SLC9A8: variants seen among roughly 807,000 people sequenced by gnomAD.
The protein encoded by SLC9A8 is solute carrier family 9 member A8.
In SLC9A8, 48 loss-of-function variants were observed where a neutral mutation model predicts 66.6. The ratio of observed to expected loss-of-function variants is 0.72; its 90% CI spans 0.57 to 0.92. SLC9A8 has a LOEUF of 0.92. Among genes scored for constraint, SLC9A8 ranks in the 40% least tolerant of loss-of-function variants. SLC9A8 has a pLI of 0.00. For missense variants in SLC9A8, 599 were observed against 747.3 expected (o/e 0.80, Z 2.31); for synonymous variants, 274 against 282.6 (o/e 0.97, Z 0.31).
intron 13 of SLC9A8, 92 bp from the exon 14 acceptor site, chr20:49,883,754 G>A (rs2089717042): frequency 4.1e-6 from 4 of 979,290 alleles, no homozygotes; most frequent in Non-Finnish European, 6.1e-6. Flanking sequence ...TCAGCTGGTC[G>A]TGGTGCTGGG....
rs1349979295 is a variant in SLC9A8, at chr20:49,849,601, G to A, written c.455G>A (p.Gly152Asp). ...LHKGNFFQNI[G>D]SITLFAVFGT... ...CAGGGTAACTTCTTTCAAAATATTG[G>A]TTCCATCACCCTGTTTGCTGTTTTT... is the stretch of plus-strand genomic sequence containing the variant. The change falls in exon 6 of 16, where the codon GGT becomes GAT. Residue 152 changes from glycine to aspartate, a missense_variant. By Grantham distance (94) the Gly-to-Asp change is moderately conservative. Around this residue, in one of 2 missense-constraint regions of SLC9A8, gnomAD observed 467 missense variants for 626.5 expected, o/e 0.75. Transcript: ENST00000361573. The A allele has an allele frequency of 6.2e-7, 1 of 1,613,616 alleles. No homozygotes were observed. The highest frequency in any genetic ancestry group is 1.1e-5 in the South Asian group (1 of 91,070).
chr20:49,815,192 G>A lies in SLC9A8; in HGVS notation c.208+3G>A. The A allele has an allele frequency of 6.5e-7, 1 of 1,540,680 alleles. No individual in the cohort carries two copies. Among genetic ancestry groups the A allele is most frequent in the Non-Finnish European group, 8.8e-7 (1 of 1,140,234 alleles). On this transcript the variant is annotated splice_donor_region_variant and intron_variant, in intron 2 of 15. Coordinates refer to ENST00000361573, the MANE Select transcript of SLC9A8 (RefSeq NM_015266.3). ...TTTCTTCAGCCTCCTTGTCCTAGGT[G>A]AATATGGACACTGTCATCCCCATCA...
chr20:49,874,818 T>C lies in SLC9A8; in HGVS notation c.1072T>C (p.Cys358Arg). ...GACCCTCCGCACCGTGGCCTTCTTA[T>C]GTGGTGAGTTCTGCTTCTGTGTGGC... ...QQTLRTVAFL[C>R]ETCVFAFLGL... The change falls in exon 11 of 16, where the codon TGT (cysteine) becomes CGT (arginine). Residue 358 changes from cysteine (C) to arginine (R), a missense_variant. By Grantham distance (180) the Cys-to-Arg change is radical (BLOSUM62 -3). Transcript: ENST00000361573. The C allele has an allele frequency of 1.2e-6, 2 of 1,601,422 alleles. No individual in the cohort carries two copies. The highest frequency in any genetic ancestry group is 1.7e-6 in the Non-Finnish European group (2 of 1,168,272).
intron 2 of SLC9A8, among the ~76,000 whole-genome samples, chr20:49,820,127 A>G (rs1159095413): frequency 6.6e-6 from 1 of 152,222 alleles, no homozygotes; most frequent in Non-Finnish European, 1.5e-5. Context: ...TGTTTTCCAC[A>G]GGGGCTGCAC....
chr20:49,834,205 A>ATATATG (rs2087352067), intron 3 of SLC9A8, among the ~76,000 whole-genome samples: 1 of 132,288 alleles, frequency 7.6e-6, no homozygotes, highest in Non-Finnish European at 1.6e-5. Flanking sequence ...ATATATATAT[A>ATATATG]TATATATATA....
At chr20:49,844,703 A>T (rs1203799501) in intron 4 of SLC9A8, among the ~76,000 whole-genome samples, 1 of 150,996 alleles carries the variant, frequency 6.6e-6, no homozygotes, top group Non-Finnish European at 1.5e-5. Context: ...AGGAGGCTGA[A>T]GTGAGAGGAT....
intron 7 of SLC9A8, among the ~76,000 whole-genome samples, chr20:49,851,403 G>A (rs2088246705): frequency 6.6e-6 from 1 of 152,200 alleles, no homozygotes; most frequent in East Asian, 1.9e-4. Flanking sequence ...ACCTCACTAG[G>A]TTGAGGCAGT....
At chr20:49,848,298 G>C (rs1196982191) in intron 5 of SLC9A8, among the ~76,000 whole-genome samples, 4 of 152,096 alleles carry the variant, frequency 2.6e-5, no homozygotes, top group East Asian at 1.9e-4. Flanking sequence ...CCTTTGTTTT[G>C]AAAAACCAAA....
chr20:49,814,900 C>A, intron 1 of SLC9A8, 108 bp from the exon 2 acceptor site: 1 of 890,998 alleles, frequency 1.1e-6, no homozygotes, highest in Non-Finnish European at 1.6e-6. Context: ...TTAAAGACTT[C>A]TGAATCCCAT....
intron 14 of SLC9A8, 161 bp downstream of exon 14, chr20:49,884,227 C>CACACACA: frequency 4.7e-6 from 1 of 214,362 alleles, no homozygotes; most frequent in Non-Finnish European, 8.9e-6. Flanking sequence ...CACACACACA[C>CACACACA]ACACACACAC....
chr20:49,863,034 G>A lies in SLC9A8; in HGVS notation c.819G>A (p.Ala273=), dbSNP rs755704627. 28 of 1,613,598 alleles carry A rather than the reference G, an allele frequency of 1.7e-5. No individual in the cohort carries two copies. The highest frequency in any genetic ancestry group is 2.7e-5 in the African/African-American group (2 of 75,016). Residue 273 remains alanine (A), a synonymous_variant, in exon 9 of 16, where the codon GCG becomes GCA. Coordinates refer to ENST00000361573, the MANE Select transcript of SLC9A8 (RefSeq NM_015266.3). Reference sequence around the variant, plus strand: ...TCAAAATGTTCTTTGGCTCTGCAGCGCTCGGCACTCTCACTGGCTTAATTT... The same window carrying A: ...TCAAAATGTTCTTTGGCTCTGCAGCACTCGGCACTCTCACTGGCTTAATTT... ...YFLKMFFGSA[A]LGTLTGLISA... is the part of the protein sequence containing the mutation.
chr20:49,843,243 C>A (rs542594925), intron 4 of SLC9A8, among the ~76,000 whole-genome samples: 7 of 152,132 alleles, frequency 4.6e-5, no homozygotes, highest in African/African-American at 1.7e-4. Flanking sequence ...TATAGTGGTC[C>A]TGCTGCACAG....
intron 9 of SLC9A8, chr20:49,863,942 C>T (rs568668282): frequency 1.3e-5 from 2 of 152,334 alleles, no homozygotes; most frequent in South Asian, 4.1e-4. Context: ...TGAATTTTCC[C>T]ATCAACTCCT....
chr20:49,884,298 A>ACACACGCGCG (rs2089795660), intron 14 of SLC9A8: 7 of 320,478 alleles, frequency 2.2e-5, no homozygotes, highest in South Asian at 2.6e-5. Context: ...CGACACACAC[A>ACACACGCGCG]CACACACACA....
At chr20:49,875,718 C>G (rs2089399947) in intron 11 of SLC9A8, among the ~76,000 whole-genome samples, 1 of 151,982 alleles carries the variant, frequency 6.6e-6, no homozygotes, top group Non-Finnish European at 1.5e-5. Flanking sequence ...AAAATCACCC[C>G]TGGCATTTTG....
At chr20:49,841,480 A>G (rs1259286813) in intron 4 of SLC9A8, among the ~76,000 whole-genome samples, 1 of 152,108 alleles carries the variant, frequency 6.6e-6, no homozygotes. Flanking sequence ...TCTGATTCCA[A>G]ACTGACCTGC....
chr20:49,833,402 C>T (rs1359238365), intron 3 of SLC9A8, among the ~76,000 whole-genome samples: 4 of 152,192 alleles, frequency 2.6e-5, no homozygotes, highest in East Asian at 1.9e-4. Flanking sequence ...AAAAACAAAA[C>T]GTGATTTTGC....
intron 2 of SLC9A8, among the ~76,000 whole-genome samples, chr20:49,819,867 T>G (rs1187829559): frequency 1.3e-5 from 2 of 152,230 alleles, no homozygotes; most frequent in Non-Finnish European, 2.9e-5. Context: ...TAGCATATGT[T>G]AGAATTGCAT....
rs1056697021 is a variant in SLC9A8 at position 49,891,823 on chromosome 20, G to A, written c.*3887G>A. The A allele has an allele frequency of 5.3e-5, 8 of 152,348 alleles. No individual in the cohort carries two copies. The highest frequency in any genetic ancestry group is 1.9e-4 in the East Asian group (1 of 5,188). The allele number at this position is 152,348 out of a possible 1,614,324, so 9.4% of individuals were successfully genotyped here. A position where few individuals can be genotyped will look rare whatever the true frequency, so the allele number is the denominator to read the frequency against. On this transcript the variant is annotated 3_prime_UTR_variant, in exon 16 of 16. Coordinates refer to ENST00000361573, the MANE Select transcript of SLC9A8 (RefSeq NM_015266.3). Reference sequence around the variant, plus strand: ...CCTGGCTTACACCAAAGGCTTTGACGGTTTCTCCAAGTAAGGATCTGCAAA... The same window carrying A: ...CCTGGCTTACACCAAAGGCTTTGACAGTTTCTCCAAGTAAGGATCTGCAAA...
Sources: allele counts gnomAD v4.1 joint callset (sites outside exome capture counted in the v4.1 genomes callset), GRCh38; gene constraint gnomAD v4.1.1; regional missense constraint gnomAD v4.1.1; transcripts MANE v1.5; gene names NCBI Gene and HGNC (gene_info 2026-07-23, HGNC 2026-07-21).